Variants in SMC5 observed in about 807,000 individuals in gnomAD.
SMC5 encodes structural maintenance of chromosomes protein 5.
In SMC5, 88 loss-of-function variants were observed where a neutral mutation model predicts 148.3. The observed-to-expected ratio is 0.59, with a 90% CI of 0.50 to 0.71. SMC5 has a LOEUF of 0.71. Among genes scored for constraint, SMC5 ranks in the 30% least tolerant of loss-of-function variants. The pLI is 0.00. For synonymous variants in SMC5, 421 were observed against 432.8 expected (o/e 0.97, Z 0.34); for missense variants, 1,142 against 1,298.9 (o/e 0.88, Z 1.86).
intron 1 of SMC5, among the ~76,000 whole-genome samples, chr9:70,262,286 T>A (rs2117933670): frequency 6.6e-6 from 1 of 152,230 alleles, no homozygotes; most frequent in East Asian, 1.9e-4. Flanking sequence ...ACATTATAGG[T>A]AGAATTTAGA....
chr9:70,264,350 A>G lies in SMC5; in HGVS notation c.232A>G (p.Ile78Val), dbSNP rs764599446. 6 of 1,613,850 alleles carry G rather than the reference A, an allele frequency of 3.7e-6. No homozygotes were observed. The African/African-American group carries it at 6.7e-5, about 18-fold the overall frequency. The change falls in exon 2 of 25, where the codon ATC (isoleucine) becomes GTC (valine). Residue 78 changes from isoleucine (I) to valine (V), a missense_variant. Transcript: ENST00000361138. ...ATCTCCTGGACCCCACTTGAATATG[A>G]TCGTTGGAGCCAATGGAACAGGGAA... ...EVSPGPHLNMIVGANGTGKSS... is the reference protein window; with the variant it reads ...EVSPGPHLNMVVGANGTGKSS...
intron 8 of SMC5, among the ~76,000 whole-genome samples, chr9:70,290,642 A>G (rs1422207793): frequency 6.6e-6 from 1 of 152,198 alleles, no homozygotes; most frequent in African/African-American, 2.4e-5. Context: ...CTTTCATTTC[A>G]GCCTTAAAGA....
intron 8 of SMC5, among the ~76,000 whole-genome samples, chr9:70,289,367 C>T (rs1460612565): frequency 6.6e-6 from 1 of 152,114 alleles, no homozygotes; most frequent in African/African-American, 2.4e-5. Flanking sequence ...GTGTCAGTAT[C>T]TCCTTCTATG....
intron 13 of SMC5, among the ~76,000 whole-genome samples, chr9:70,315,820 A>G (rs1167175409): frequency 6.6e-6 from 1 of 152,090 alleles, no homozygotes; most frequent in Admixed American, 6.5e-5. Context: ...ATTTAGGGTA[A>G]TTCCATAAAG....
intron 4 of SMC5, among the ~76,000 whole-genome samples, chr9:70,278,041 C>A (rs543808933): frequency 6.6e-6 from 1 of 151,994 alleles, no homozygotes; most frequent in East Asian, 1.9e-4. Flanking sequence ...TCATAATGAG[C>A]AAATTAAATA....
chr9:70,305,198 A>C (rs1225052695), intron 10 of SMC5, 49 bp from the exon 11 acceptor site: 1 of 764,982 alleles, frequency 1.3e-6, no homozygotes, highest in Non-Finnish European at 2.2e-6. Flanking sequence ...ATGTTTTAAT[A>C]ATCAGTTGGG....
chr9:70,298,194 A>G lies in SMC5; in HGVS notation c.1282A>G (p.Arg428Gly). The G allele has an allele frequency of 6.2e-7, 1 of 1,613,572 alleles. No individual in the cohort carries two copies. Among genetic ancestry groups the G allele is most frequent in the Non-Finnish European group, 8.5e-7 (1 of 1,179,804 alleles). Residue 428 changes from arginine to glycine, a missense_variant, in exon 9 of 25, where the codon AGG (arginine) becomes GGG (glycine). Arg to Gly is a moderately radical substitution (Grantham distance 125, BLOSUM62 -2). Around this residue, in one of 5 missense-constraint regions of SMC5, gnomAD observed 743 missense variants for 835.7 expected, o/e 0.89. Coordinates refer to ENST00000361138, the MANE Select transcript of SMC5 (RefSeq NM_015110.4). ...EGEIIDKRRE[R>G]ETLEKEKKSV... ...CGAAATAATTGATAAGCGAAGAGAG[A>G]GGGAAACTCTAGAGAAGGAGAAAAA...
At chr9:70,265,287 C>T (rs1242973901) in intron 2 of SMC5, among the ~76,000 whole-genome samples, 5 of 152,028 alleles carry the variant, frequency 3.3e-5, no homozygotes, top group South Asian at 2.1e-4. Flanking sequence ...GGTGAAACCC[C>T]GTCTCTACTA....
chr9:70,311,423 A>T (rs748030680), intron 11 of SMC5: 2 of 152,210 alleles, frequency 1.3e-5, no homozygotes, highest in Admixed American at 1.3e-4. Flanking sequence ...CACTCCAATG[A>T]CAATGGTAGT....
chr9:70,305,825 C>A (rs2035480910), intron 11 of SMC5, among the ~76,000 whole-genome samples: 1 of 152,118 alleles, frequency 6.6e-6, no homozygotes, highest in African/African-American at 2.4e-5. Context: ...ATCTAAGCCA[C>A]CGAAAGACAG....
intron 17 of SMC5, among the ~76,000 whole-genome samples, chr9:70,338,394 C>A (rs1412211689): frequency 6.6e-6 from 1 of 152,104 alleles, no homozygotes; most frequent in Non-Finnish European, 1.5e-5. Context: ...TTGCCCTTTG[C>A]CCAATTTAGC....
chr9:70,306,958 C>T (rs2035517547), intron 11 of SMC5, among the ~76,000 whole-genome samples: 1 of 152,214 alleles, frequency 6.6e-6, no homozygotes, highest in African/African-American at 2.4e-5. Flanking sequence ...GCCATTTCTA[C>T]ATACTATTAT....
chr9:70,325,115 A>G (rs904983546), intron 17 of SMC5, among the ~76,000 whole-genome samples: 1 of 152,178 alleles, frequency 6.6e-6, no homozygotes, highest in Non-Finnish European at 1.5e-5. Flanking sequence ...GTTGGGCTGA[A>G]ATCATGTGGC....
At chr9:70,322,294 G>A (rs928013053) in intron 15 of SMC5, among the ~76,000 whole-genome samples, 6 of 152,078 alleles carry the variant, frequency 3.9e-5, no homozygotes, top group African/African-American at 7.2e-5. Context: ...CCTTTATTGC[G>A]CAATTGCTGT....
Position 70,354,735 on chromosome 9 carries a change from A to G in SMC5, c.*2404A>G, listed in dbSNP as rs886134687. 6 of 152,204 alleles carry G rather than the reference A, an allele frequency of 3.9e-5. No individual in the cohort carries two copies. The highest frequency in any genetic ancestry group is 3.2e-3 in the Middle Eastern group (1 of 316). The allele number at this position is 152,204 out of a possible 1,614,324, so 9.4% of individuals were successfully genotyped here. On this transcript the variant is annotated 3_prime_UTR_variant, in exon 25 of 25. Coordinates refer to ENST00000361138, the MANE Select transcript of SMC5 (RefSeq NM_015110.4). ...TGCTTTCTAATTGTCTTTTGGACAC[A>G]TGCCTATTTTCTTTGAGGTATAAAC... is the stretch of plus-strand genomic sequence containing the variant.
In SMC5 at chr9:70,282,647, G is replaced by C. The variant is rs944156939; in HGVS notation, c.981+64G>C. ...TTTTAGCAAATATAAAAAATATTTT[G>C]CAGGTGTTTGAAAATATTTTCAAGG... On this transcript the variant is annotated intron_variant, in intron 7 of 24. Coordinates refer to ENST00000361138, the MANE Select transcript of SMC5 (RefSeq NM_015110.4). 3 of 1,454,934 alleles carry C rather than the reference G, an allele frequency of 2.1e-6. No homozygotes were observed. The African/African-American group carries it at 4.4e-5, about 21-fold the overall frequency. 90.1% of individuals were successfully genotyped at this position (1,454,934 alleles called of 1,614,324 possible).
At chr9:70,284,440 G>C (rs149925738) in intron 7 of SMC5, among the ~76,000 whole-genome samples, 73 of 152,332 alleles carry the variant, frequency 4.8e-4, no homozygotes, top group Non-Finnish European at 8.7e-4. Context: ...ATAATTGGCA[G>C]TCGTTGTTAT....
intron 24 of SMC5, 110 bp from the exon 25 acceptor site, chr9:70,352,081 T>G: frequency 9.2e-7 from 1 of 1,083,564 alleles, no homozygotes; most frequent in Non-Finnish European, 1.3e-6. Context: ...AAAAAAAAAG[T>G]TTTATTAATA....
rs1168846901 is a variant in SMC5 at position 70,347,663 on chromosome 9, G to C, written c.2715G>C (p.Glu905Asp). 6.3e-7 allele frequency: 1 copy of C among 1,586,382 alleles called. No individual in the cohort carries two copies. The highest frequency in any genetic ancestry group is 8.5e-7 in the Non-Finnish European group (1 of 1,171,254). The change falls in exon 21 of 25, where the codon GAG becomes GAC. Residue 905 changes from glutamate (E) to aspartate (D), a missense_variant. Around this residue, in one of 5 missense-constraint regions of SMC5, gnomAD observed 743 missense variants for 835.7 expected, o/e 0.89. Transcript: ENST00000361138. ...AAGAAGAAATAGAACAGTTAACTGA[G>C]GAACTAAAGGGAAAGAAAGTTGAAC... ...KREEEIEQLTEELKGKKVELD... is the reference protein window; with the variant it reads ...KREEEIEQLTDELKGKKVELD...
Sources: gnomAD v4.1 joint callset for allele counts (sites outside exome capture counted in the v4.1 genomes callset) on GRCh38, gnomAD v4.1.1 for gene constraint, gnomAD v4.1.1 regional missense constraint, MANE v1.5 for transcripts, NCBI Gene and HGNC (gene_info 2026-07-23, HGNC 2026-07-21) for gene names.